The following EXOC3 variants were observed in gnomAD, a reference collection of about 807,000 sequenced individuals.
EXOC3 encodes SEC6-like 1.
A neutral mutation model predicts 73.7 loss-of-function variants in EXOC3; 21 were observed. The ratio of observed to expected loss-of-function variants is 0.29; its 90% confidence interval spans 0.20 to 0.41. EXOC3 has a LOEUF of 0.41. Ranked by LOEUF, EXOC3 falls within the 10% of genes least tolerant of loss-of-function variation. The pLI is 1.00. For missense variants in EXOC3, 842 were observed against 985.1 expected, an observed-to-expected ratio of 0.85 and a Z score of 1.95; for synonymous variants, 410 against 389.1, an observed-to-expected ratio of 1.05 and a Z score of -0.63.
chr5:450,885 A>T, intron 3 of EXOC3, among the ~76,000 whole-genome samples: 1 of 150,590 alleles, frequency 6.6e-6, no homozygotes. Context: ...ATCTTTTTCC[A>T]CCCTTTTACT....
intron 7 of EXOC3, chr5:461,723 T>G (rs920986873): frequency 2.0e-6 from 1 of 510,488 alleles, no homozygotes; most frequent in African/African-American, 1.9e-5. Context: ...TGCCTCAGCC[T>G]CCTAATGAGC....
rs1738129006 is a variant in EXOC3 at position 465,759 on chromosome 5, G to A, written c.1980G>A (p.Val660=). The stretch of plus-strand genomic sequence containing the variant: ...TGGACGGATACTGCGACACCATCGT[G>A]GCTGTGGCCGAAGTGATCAAGCTGA... The part of the protein sequence containing the change: ...EDVDGYCDTI[V]AVAEVIKLTD... The change falls in exon 12 of 13, where the codon GTG becomes GTA. Residue 660 remains valine (V), a synonymous_variant. Coordinates refer to ENST00000512944, the MANE Select transcript of EXOC3 (RefSeq NM_007277.5). 6.2e-7 allele frequency: 1 copy of A among 1,613,788 alleles called. No individual in the cohort carries two copies. Among genetic ancestry groups the A allele is most frequent in the South Asian group, 1.1e-5 (1 of 91,070 alleles).
intron 9 of EXOC3, among the ~76,000 whole-genome samples, 168 bp from the exon 10 acceptor site, chr5:464,122 A>G (rs1443804811): frequency 6.6e-6 from 1 of 150,764 alleles, no homozygotes; most frequent in Non-Finnish European, 1.5e-5. Context: ...CCTCCCTCCC[A>G]CGCTGCACGC....
chr5:465,112 GGAT>G lies in EXOC3; in HGVS notation c.1781_1783del (p.Met594del). 6.4e-7 allele frequency: 1 copy of G among 1,574,268 alleles called. No homozygotes were observed. Among genetic ancestry groups the G allele is most frequent in the South Asian group, 1.2e-5 (1 of 86,230 alleles). ...CGCTGACCGCGCGTGTCTCCCCAGA[GGAT>G]GACGGCCGAGGCGCACCGGCGCGTG... On this transcript the variant is annotated inframe_deletion and splice_region_variant, in exon 11 of 13. Coordinates refer to ENST00000512944, the MANE Select transcript of EXOC3 (RefSeq NM_007277.5).
At chr5:463,210 C>G (rs1002902222) in intron 9 of EXOC3, among the ~76,000 whole-genome samples, 60 of 152,148 alleles carry the variant, frequency 3.9e-4, no homozygotes, top group African/African-American at 1.4e-3. Flanking sequence ...TCATCAGTGT[C>G]TGGTTGTGCA....
rs371246217 is a variant in EXOC3, at chr5:456,941, C to T, written c.1099C>T (p.Leu367=). 5 of 1,614,056 alleles carry T rather than the reference C, an allele frequency of 3.1e-6. No homozygotes were observed. In the African/African-American group the frequency reaches 4.0e-5, roughly 13 times the overall value. ...GGCCCCGGAAGTGGATGTCGGCACC[C>T]TGGAGCCATTGCTTTCTCCACACGT... ...ELAPEVDVGT[L]EPLLSPHVVS... is the part of the protein sequence containing the mutation. The change falls in exon 5 of 13, where the codon CTG becomes TTG. Residue 367 remains leucine (L), a synonymous_variant. Coordinates refer to ENST00000512944, the MANE Select transcript of EXOC3 (RefSeq NM_007277.5).
At chr5:451,218 T>C in intron 3 of EXOC3, among the ~76,000 whole-genome samples, 1 of 152,238 alleles carries the variant, frequency 6.6e-6, no homozygotes, top group East Asian at 1.9e-4. Context: ...GCTGTTTTCT[T>C]TGTGCCTACC....
Position 465,238 on chromosome 5 carries a change from A to G in EXOC3, c.1904A>G (p.Glu635Gly). 1.3e-6 allele frequency: 2 copies of G among 1,591,410 alleles called. No homozygotes were observed. The highest frequency in any genetic ancestry group is 1.7e-6 in the Non-Finnish European group (2 of 1,169,384). Reference sequence around the variant, plus strand: ...GCCGAGAAGATGGTTAGGGAGGCAGAGCAGCTGCGCTTCCTGTTCCGGAAG... The same window carrying G: ...GCCGAGAAGATGGTTAGGGAGGCAGGGCAGCTGCGCTTCCTGTTCCGGAAG... ...EGAEKMVREA[E>G]QLRFLFRKLA... The change falls in exon 11 of 13, where the codon GAG becomes GGG. Residue 635 changes from glutamate to glycine, a missense_variant. Transcript: ENST00000512944.
intron 1 of EXOC3, among the ~76,000 whole-genome samples, chr5:445,912 C>G (rs994974693): frequency 6.6e-6 from 1 of 152,150 alleles, no homozygotes; most frequent in African/African-American, 2.4e-5. Context: ...TTCGCAATGT[C>G]CATGTCTCTC....
At chr5:450,194 C>T (rs1193698355) in intron 3 of EXOC3, among the ~76,000 whole-genome samples, 7 of 152,146 alleles carry the variant, frequency 4.6e-5, no homozygotes, top group Non-Finnish European at 1.0e-4. Flanking sequence ...CACAGTGAGC[C>T]GAGATCGCAC....
chr5:459,226 AT>A (rs34067680), intron 6 of EXOC3, 132 bp from the exon 7 acceptor site: 248,338 of 362,592 alleles, frequency 0.68, 84,975 homozygotes, highest in African/African-American at 0.84. Flanking sequence ...ACGTGGTTTC[AT>A]TTTTTTTTTC....
At chr5:463,725 TTGAC>T (rs1738054735) in intron 9 of EXOC3, among the ~76,000 whole-genome samples, 1 of 152,270 alleles carries the variant, frequency 6.6e-6, no homozygotes, top group Non-Finnish European at 1.5e-5. Flanking sequence ...TGTATACTTT[TTGAC>T]TGAAAAATTC....
intron 9 of EXOC3, 162 bp downstream of exon 9, chr5:462,469 C>T (rs1246473391): frequency 7.2e-6 from 5 of 692,500 alleles, no homozygotes; most frequent in African/African-American, 1.8e-5. Context: ...CCTCCGTTTT[C>T]GGTGACGCTG....
At chr5:446,069 C>T in intron 1 of EXOC3, 81 bp from the exon 2 acceptor site, 1 of 936,986 alleles carries the variant, frequency 1.1e-6, no homozygotes, top group Non-Finnish European at 1.7e-6. Flanking sequence ...AGAGGCTCTG[C>T]TTGTAGCTCC....
At chr5:462,390 C>A in intron 9 of EXOC3, 83 bp downstream of exon 9, 1 of 1,495,028 alleles carries the variant, frequency 6.7e-7, no homozygotes, top group Non-Finnish European at 9.3e-7. Context: ...AGGCTGTGAA[C>A]TGTACCGTGC....
chr5:465,303 G>A, intron 11 of EXOC3, 31 bp downstream of exon 11: 1 of 1,558,874 alleles, frequency 6.4e-7, no homozygotes, highest in Non-Finnish European at 8.7e-7. Context: ...GGCTGGAGAA[G>A]GCCTGTCGCT....
At chr5:453,344 T>C (rs952135931) in intron 3 of EXOC3, 26 bp from the exon 4 acceptor site, 12 of 1,531,148 alleles carry the variant, frequency 7.8e-6, no homozygotes, top group Non-Finnish European at 9.7e-6. Context: ...TGGTTGTTTA[T>C]GTTGTGTCTT....
chr5:445,936 G>A (rs1026884647), intron 1 of EXOC3, among the ~76,000 whole-genome samples: 2 of 152,124 alleles, frequency 1.3e-5, no homozygotes, highest in African/African-American at 4.8e-5. Flanking sequence ...CCTGTGAAAC[G>A]CCCCTGCTCT....
chr5:465,318 G>C, intron 11 of EXOC3, 46 bp downstream of exon 11: 2 of 1,546,738 alleles, frequency 1.3e-6, no homozygotes, highest in Admixed American at 2.0e-5. Context: ...GTCGCTCCGC[G>C]GCCCTGTTCA....
Sources: allele counts gnomAD v4.1 joint callset (sites outside exome capture counted in the v4.1 genomes callset), GRCh38; gene constraint gnomAD v4.1.1; transcripts MANE v1.5; gene names NCBI Gene and HGNC (gene_info 2026-07-23, HGNC 2026-07-21).